Variants in PPM1H observed in about 807,000 individuals in gnomAD.
PPM1H encodes the protein protein phosphatase, Mg2+/Mn2+ dependent 1H.
Under a neutral mutation model 54.9 loss-of-function variants are expected in PPM1H, and 27 were observed. That is an observed-to-expected ratio of 0.49 (90% CI 0.36 to 0.68). The LOEUF (loss-of-function observed/expected upper bound fraction) is 0.68, where lower values mean the gene tolerates loss of function less well. Ranked by LOEUF, PPM1H falls within the 30% of genes least tolerant of loss-of-function variation. The pLI is 0.00. For synonymous variants in PPM1H, 305 were observed against 270.8 expected (o/e 1.13, Z -1.24); for missense variants, 596 against 667.8 (o/e 0.89, Z 1.19).
intron 9 of PPM1H, among the ~76,000 whole-genome samples, chr12:62,660,272 C>T (rs1410404445): frequency 1.3e-5 from 2 of 152,162 alleles, no homozygotes; most frequent in Admixed American, 6.5e-5. Flanking sequence ...ATGGCAAACA[C>T]ATGAAAGAGA....
chr12:62,693,383 C>T (rs766162967), intron 7 of PPM1H, among the ~76,000 whole-genome samples: 2 of 152,190 alleles, frequency 1.3e-5, no homozygotes, highest in Admixed American at 6.5e-5. Flanking sequence ...ATTACAGTGA[C>T]GCTTTGGACT....
chr12:62,750,683 C>T (rs2076438385), intron 4 of PPM1H, among the ~76,000 whole-genome samples: 1 of 152,098 alleles, frequency 6.6e-6, no homozygotes, highest in South Asian at 2.1e-4. Context: ...TGAAGAACTA[C>T]CAGTTAGCTT....
chr12:62,805,754 A>G (rs528622067), intron 2 of PPM1H, among the ~76,000 whole-genome samples: 5 of 152,328 alleles, frequency 3.3e-5, no homozygotes, highest in Admixed American at 2.6e-4. Flanking sequence ...TAAAATGAGT[A>G]AGTTCTGGGG....
chr12:62,732,498 A>G (rs1440570632), intron 5 of PPM1H, among the ~76,000 whole-genome samples: 1 of 152,192 alleles, frequency 6.6e-6, no homozygotes, highest in East Asian at 1.9e-4. Context: ...CCATTTCTAC[A>G]AGTCAAACAG....
At chr12:62,813,022 G>A (rs1205872720) in intron 2 of PPM1H, among the ~76,000 whole-genome samples, 2 of 151,752 alleles carry the variant, frequency 1.3e-5, no homozygotes, top group African/African-American at 4.8e-5. Context: ...CTGAACTCCG[G>A]GGAATCCATA....
chr12:62,932,809 A>G (rs973888287), intron 1 of PPM1H, among the ~76,000 whole-genome samples: 2 of 150,684 alleles, frequency 1.3e-5, no homozygotes, highest in Non-Finnish European at 3.0e-5. Context: ...TAATTTTTGT[A>G]TTTTTAGTAG....
In PPM1H at chr12:62,896,888, G is replaced by A. The variant is rs542739752; in HGVS notation, c.245+37604C>T. On this transcript the variant is annotated intron_variant, in intron 1 of 9. Transcript: ENST00000228705. The stretch of plus-strand genomic sequence containing the variant: ...ATGATAGACTGGATTAAGAAAATGT[G>A]GCACACATACACTATGGAATACTAT... Among the ~76,000 whole-genome samples, 365 of 152,106 alleles carry A rather than the reference G, an allele frequency of 2.4e-3. 1 individual carries two copies. Among genetic ancestry groups the A allele is most frequent in the African/African-American group, 8.2e-3 (338 of 41,464 alleles).
At chr12:62,868,776 G>A (rs1565814573) in intron 1 of PPM1H, among the ~76,000 whole-genome samples, 2 of 152,282 alleles carry the variant, frequency 1.3e-5, no homozygotes, top group South Asian at 2.1e-4. Context: ...AAATGGGTGC[G>A]CACGATGGTG....
intron 1 of PPM1H, among the ~76,000 whole-genome samples, chr12:62,841,489 A>G (rs1196205999): frequency 6.6e-6 from 1 of 152,222 alleles, no homozygotes; most frequent in African/African-American, 2.4e-5. Flanking sequence ...TAGTTGCAAC[A>G]GGGACTATCT....
intron 4 of PPM1H, among the ~76,000 whole-genome samples, chr12:62,751,064 G>C (rs1250712820): frequency 1.3e-5 from 2 of 152,130 alleles, no homozygotes; most frequent in Non-Finnish European, 2.9e-5. Context: ...GCCACCAAAG[G>C]CATTTATTTT....
At chr12:62,878,422 T>C (rs1001475453) in intron 1 of PPM1H, among the ~76,000 whole-genome samples, 1 of 152,066 alleles carries the variant, frequency 6.6e-6, no homozygotes, top group African/African-American at 2.4e-5. Flanking sequence ...ATTCCTCTTA[T>C]AGAACAGCTG....
At chr12:62,660,249 G>A (rs1326358316) in intron 9 of PPM1H, among the ~76,000 whole-genome samples, 1 of 152,128 alleles carries the variant, frequency 6.6e-6, no homozygotes, top group Non-Finnish European at 1.5e-5. Context: ...ATTACACACA[G>A]GTATGTACAA....
intron 2 of PPM1H, among the ~76,000 whole-genome samples, chr12:62,831,146 C>A (rs1184532447): frequency 6.6e-6 from 1 of 152,214 alleles, no homozygotes; most frequent in Non-Finnish European, 1.5e-5. Flanking sequence ...AGCCACCATG[C>A]CCAGCCGCAA....
At chr12:62,885,610 C>T (rs1419316555) in intron 1 of PPM1H, among the ~76,000 whole-genome samples, 1 of 152,164 alleles carries the variant, frequency 6.6e-6, no homozygotes, top group East Asian at 1.9e-4. Flanking sequence ...CAGTAGAGGG[C>T]TGGAATCTTG....
chr12:62,684,723 G>A lies in PPM1H; in HGVS notation c.1245+4976C>T, dbSNP rs549703905. ...GCCTGGCAAAGACAGAACATAGCAGGGGAATGTTCTTAGGGAGTCACAGAA... is the reference window on the plus strand; with the variant it reads ...GCCTGGCAAAGACAGAACATAGCAGAGGAATGTTCTTAGGGAGTCACAGAA... On this transcript the variant is annotated intron_variant, in intron 8 of 9. Transcript: ENST00000228705. Among the ~76,000 whole-genome samples, 88 of 152,270 alleles carry A rather than the reference G, an allele frequency of 5.8e-4. 1 individual carries two copies. Among genetic ancestry groups the A allele is most frequent in the African/African-American group, 2.1e-3 (86 of 41,550 alleles).
At chr12:62,901,228 C>T (rs980580254) in intron 1 of PPM1H, among the ~76,000 whole-genome samples, 5 of 152,232 alleles carry the variant, frequency 3.3e-5, no homozygotes, top group African/African-American at 1.2e-4. Context: ...CAGTGGGCAA[C>T]AGCCAATCAC....
intron 5 of PPM1H, among the ~76,000 whole-genome samples, chr12:62,735,806 A>C (rs2076346576): frequency 6.6e-6 from 1 of 152,218 alleles, no homozygotes; most frequent in African/African-American, 2.4e-5. Context: ...AATGAAGAGG[A>C]GTTCTCCTAA....
intron 4 of PPM1H, among the ~76,000 whole-genome samples, chr12:62,738,566 C>A (rs758902604): frequency 8.5e-5 from 13 of 152,156 alleles, no homozygotes; most frequent in African/African-American, 1.4e-4. Flanking sequence ...TGTTCCCAGA[C>A]CTTCTGATTC....
At chr12:62,819,837 G>T (rs1368308904) in intron 2 of PPM1H, among the ~76,000 whole-genome samples, 1 of 152,190 alleles carries the variant, frequency 6.6e-6, no homozygotes, top group South Asian at 2.1e-4. Context: ...AACAGCTCTG[G>T]TGTGCAGCTC....
Sources: allele counts gnomAD v4.1 joint callset (sites outside exome capture counted in the v4.1 genomes callset), GRCh38; gene constraint gnomAD v4.1.1; transcripts MANE v1.5; gene names NCBI Gene and HGNC (gene_info 2026-07-23, HGNC 2026-07-21).